Variants in NUB1 observed in about 807,000 individuals in gnomAD.
The protein encoded by NUB1 is negative regulator of ubiquitin like proteins 1.
Under a neutral mutation model 77.1 loss-of-function variants are expected in NUB1, and 41 were observed. The ratio of observed to expected loss-of-function variants is 0.53; its 90% confidence interval spans 0.41 to 0.69. The LOEUF (loss-of-function observed/expected upper bound fraction) is 0.69. NUB1 is among the 30% of genes least tolerant of loss of function. The pLI is 0.00. For missense variants in NUB1, 643 were observed against 743.8 expected, an observed-to-expected ratio of 0.86 and a Z score of 1.58; for synonymous variants, 257 against 281.0, an observed-to-expected ratio of 0.91 and a Z score of 0.85.
rs1308572978 is a variant in NUB1 at position 151,367,017 on chromosome 7, C to T, written c.879C>T (p.Arg293=). Residue 293 remains arginine, a synonymous_variant, in exon 9 of 15, where the codon CGC becomes CGT. Transcript: ENST00000568733. ...LQLDIVWCYF[R]LEQLECLDDA... is the part of the protein sequence containing the mutation. ...TGGATATAGTGTGGTGTTACTTCCGCCTGGAACAGCTGGAATGCCTTGATG... is the reference window on the plus strand; with the variant it reads ...TGGATATAGTGTGGTGTTACTTCCGTCTGGAACAGCTGGAATGCCTTGATG... 3 of 1,613,822 alleles carry T rather than the reference C, an allele frequency of 1.9e-6. No homozygotes were observed. Among genetic ancestry groups the T allele is most frequent in the Middle Eastern group, 1.6e-4 (1 of 6,062 alleles).
chr7:151,358,892 A>T (rs1374990768), intron 7 of NUB1, among the ~76,000 whole-genome samples: 1 of 147,856 alleles, frequency 6.8e-6, no homozygotes. Flanking sequence ...ATGAAACCCC[A>T]TCTCTACTAA....
chr7:151,359,117 C>T (rs1797235434), intron 7 of NUB1, among the ~76,000 whole-genome samples: 1 of 150,184 alleles, frequency 6.7e-6, no homozygotes, highest in Non-Finnish European at 1.5e-5. Context: ...AGTTGACAAA[C>T]AACTTCTGAA....
chr7:151,358,287 A>G (rs1020369442), intron 7 of NUB1, among the ~76,000 whole-genome samples: 26 of 152,326 alleles, frequency 1.7e-4, no homozygotes, highest in Admixed American at 4.6e-4. Context: ...TTGTCTTTTG[A>G]AAATGATGAT....
chr7:151,348,178 A>G (rs1256964584), intron 2 of NUB1, among the ~76,000 whole-genome samples: 1 of 152,138 alleles, frequency 6.6e-6, no homozygotes, highest in Non-Finnish European at 1.5e-5. Context: ...TTTGGGGAGG[A>G]ACCATAATGA....
intron 4 of NUB1, chr7:151,352,415 AG>A (rs1395510425): frequency 3.5e-6 from 1 of 282,868 alleles, no homozygotes; most frequent in East Asian, 9.3e-5. Context: ...AATGGATAAA[AG>A]AGCTATCATG....
At chr7:151,364,196 G>A (rs1016264287) in intron 8 of NUB1, among the ~76,000 whole-genome samples, 1 of 150,984 alleles carries the variant, frequency 6.6e-6, no homozygotes, top group Non-Finnish European at 1.5e-5. Context: ...GCCGAGGCAG[G>A]CAGATCACGA....
chr7:151,360,400 T>C (rs919601061), intron 8 of NUB1, 153 bp downstream of exon 8: 40 of 477,654 alleles, frequency 8.4e-5, no homozygotes, highest in Non-Finnish European at 1.4e-4. Flanking sequence ...GAATTTCTTC[T>C]TCCCTTTGTA....
chr7:151,350,696 A>G (rs775186179), intron 3 of NUB1, among the ~76,000 whole-genome samples: 2 of 152,210 alleles, frequency 1.3e-5, no homozygotes, highest in African/African-American at 4.8e-5. Flanking sequence ...CTTATTCTAT[A>G]TATTTTCTTT....
At chr7:151,353,248 G>A (rs1008461482) in intron 5 of NUB1, among the ~76,000 whole-genome samples, 5 of 152,260 alleles carry the variant, frequency 3.3e-5, no homozygotes, top group East Asian at 1.9e-4. Flanking sequence ...CAGACTGAGA[G>A]CCTTATGTCA....
chr7:151,376,677 TGA>T lies in NUB1; in HGVS notation c.1539_1540del (p.Arg513SerfsTer41). On this transcript the variant is annotated frameshift_variant, in exon 14 of 15. Coordinates refer to ENST00000568733, the MANE Select transcript of NUB1 (RefSeq NM_001243351.2). LOFTEE classifies it high-confidence loss of function. The stretch of plus-strand genomic sequence containing the variant: ...GATGCACTCGTGGCCGAAGCTGCGC[TGA>T]GAGTGTTCAGAGGCAACGTCCAGCT... 2.5e-6 allele frequency: 4 copies of T among 1,611,596 alleles called. No homozygotes were observed. The highest frequency in any genetic ancestry group is 2.5e-6 in the Non-Finnish European group (3 of 1,179,022).
At chr7:151,345,539 A>C in intron 2 of NUB1, 73 bp downstream of exon 2, 1 of 837,064 alleles carries the variant, frequency 1.2e-6, no homozygotes, top group Non-Finnish European at 1.9e-6. Context: ...CTGAATTGTC[A>C]GGCATGACCA....
chr7:151,375,751 AC>A, intron 12 of NUB1, 96 bp from the exon 13 acceptor site: 1 of 789,236 alleles, frequency 1.3e-6, no homozygotes, highest in Non-Finnish European at 2.2e-6. Flanking sequence ...GCAGCAGAGG[AC>A]GGCGGGGTCT....
rs776332805 is a variant in NUB1, at chr7:151,376,709, GCCC to G, written c.1568_1570del (p.Ala523_Gln524delinsGlu). ...GTTCAGAGGCAACGTCCAGCTGGCC[GCCC>G]AGACCCTTGCTCACAACGGAGGAAG... On this transcript the variant is annotated inframe_deletion, in exon 14 of 15. Transcript: ENST00000568733. 1.2e-6 allele frequency: 2 copies of G among 1,608,402 alleles called. No homozygotes were observed. The highest frequency in any genetic ancestry group is 2.7e-5 in the African/African-American group (2 of 74,854).
chr7:151,344,538 T>C (rs1584931234), intron 1 of NUB1, among the ~76,000 whole-genome samples: 1 of 149,768 alleles, frequency 6.7e-6, no homozygotes, highest in Admixed American at 6.7e-5. Context: ...ACCAGGCTGG[T>C]CTCGAACTCC....
At chr7:151,356,634 C>A (rs1282401769) in intron 7 of NUB1, among the ~76,000 whole-genome samples, 1 of 152,164 alleles carries the variant, frequency 6.6e-6, no homozygotes, top group African/African-American at 2.4e-5. Flanking sequence ...CTTCTCTTCC[C>A]TATTTCCTCA....
chr7:151,344,486 A>AT (rs1796385142), intron 1 of NUB1, among the ~76,000 whole-genome samples: 1 of 148,922 alleles, frequency 6.7e-6, no homozygotes. Flanking sequence ...AATTGTTCAT[A>AT]TATTTTTTTT....
chr7:151,343,803 C>T (rs1796324727), intron 1 of NUB1, among the ~76,000 whole-genome samples: 1 of 152,076 alleles, frequency 6.6e-6, no homozygotes. Flanking sequence ...TAAGATGCTG[C>T]CTAATTTTGT....
At chr7:151,376,841 G>A in intron 14 of NUB1, 30 bp downstream of exon 14, 1 of 1,550,680 alleles carries the variant, frequency 6.4e-7, no homozygotes, top group Non-Finnish European at 8.7e-7. Flanking sequence ...GGGCCGCATT[G>A]AGAGCAAAGT....
intron 7 of NUB1, 115 bp downstream of exon 7, chr7:151,356,337 TC>T: frequency 1.3e-6 from 1 of 760,386 alleles, no homozygotes; most frequent in Non-Finnish European, 2.3e-6. Flanking sequence ...GTGCTCCATC[TC>T]CAGCCTCGTA....
Sources: gnomAD v4.1 joint callset for allele counts (sites outside exome capture counted in the v4.1 genomes callset) on GRCh38, gnomAD v4.1.1 for gene constraint, MANE v1.5 for transcripts, NCBI Gene and HGNC (gene_info 2026-07-23, HGNC 2026-07-21) for gene names.